CDH13: variants seen among roughly 807,000 people sequenced by gnomAD.
CDH13 encodes cadherin 13, also known as cadherin-13.
Under a neutral mutation model 63.8 loss-of-function variants are expected in CDH13, and 24 were observed. The observed-to-expected ratio is 0.38, with a 90% confidence interval of 0.27 to 0.53. The LOEUF (loss-of-function observed/expected upper bound fraction) is 0.53, where lower values mean the gene tolerates loss of function less well. CDH13 is among the 20% of genes least tolerant of loss of function. The pLI is 0.85. For missense variants in CDH13, 1,049 were observed against 903.1 expected, an observed-to-expected ratio of 1.16 and a Z score of -2.07; for synonymous variants, 503 against 355.3, an observed-to-expected ratio of 1.42 and a Z score of -4.67.
Position 82,828,664 on chromosome 16 carries a change from G to GTA in CDH13, c.46-29686_46-29685dup, listed in dbSNP as rs58371580. Among the ~76,000 whole-genome samples the GTA allele has an allele frequency of 5.2e-3, 695 of 133,692 alleles. 2 individuals carry two copies. In the East Asian group the frequency reaches 0.059, roughly 11 times the overall value. The allele number at this position is 133,692 out of a possible 152,430, so 87.7% of individuals were successfully genotyped here. On this transcript the variant is annotated intron_variant, in intron 1 of 13. Coordinates refer to ENST00000567109, the MANE Select transcript of CDH13 (RefSeq NM_001257.5). The stretch of plus-strand genomic sequence containing the variant: ...GATGTGTTTGTGTGTGTGTGTGTGT[G>GTA]TATATATATATATGTATACACAAAC...
intron 10 of CDH13, among the ~76,000 whole-genome samples, chr16:83,743,032 AC>A (rs1431893062): frequency 2.0e-5 from 3 of 152,056 alleles, no homozygotes; most frequent in East Asian, 1.9e-4. Context: ...ACTTGGTGAA[AC>A]CCCGCTCTAC....
At chr16:83,049,502 T>G (rs2030046566) in intron 3 of CDH13, among the ~76,000 whole-genome samples, 1 of 151,858 alleles carries the variant, frequency 6.6e-6, no homozygotes, top group Non-Finnish European at 1.5e-5. Flanking sequence ...ACCCAGCTAA[T>G]TTTTTGTATT....
chr16:83,272,714 A>G (rs2088862893), intron 5 of CDH13, among the ~76,000 whole-genome samples: 2 of 152,218 alleles, frequency 1.3e-5, no homozygotes, highest in African/African-American at 4.8e-5. Context: ...CTCCCAATTC[A>G]TGGGGATTGG....
intron 7 of CDH13, among the ~76,000 whole-genome samples, chr16:83,574,542 A>C (rs1324591140): frequency 1.3e-5 from 2 of 151,880 alleles, no homozygotes; most frequent in African/African-American, 4.9e-5. Flanking sequence ...CCAGGCTCAA[A>C]TCTTGGCCTC....
intron 3 of CDH13, among the ~76,000 whole-genome samples, chr16:83,057,945 G>A (rs2031117161): frequency 1.3e-5 from 2 of 151,924 alleles, no homozygotes; most frequent in African/African-American, 4.8e-5. Context: ...ATGGGGTCGG[G>A]GAAATGTCTT....
chr16:83,783,265 C>T lies in CDH13; in HGVS notation c.1927C>T (p.Leu643=), dbSNP rs780142911. 3 of 1,613,512 alleles carry T rather than the reference C, an allele frequency of 1.9e-6. No individual in the cohort carries two copies. Among genetic ancestry groups the T allele is most frequent in the East Asian group, 2.2e-5 (1 of 44,886 alleles). The part of the protein sequence containing the change: ...KISKINNTHA[L]VSLLQNLNKA... ...CCTTGCCTTTACAGATACACACGCC[C>T]TGGTAAGCCTTCTTCAAAATCTGAA... is the stretch of plus-strand genomic sequence containing the variant. The change falls in exon 13 of 14, where the codon CTG becomes TTG. Residue 643 remains leucine (L), a synonymous_variant. Transcript: ENST00000567109.
intron 1 of CDH13, among the ~76,000 whole-genome samples, chr16:82,724,216 T>A (rs1319405577): frequency 6.6e-6 from 1 of 152,208 alleles, no homozygotes; most frequent in Non-Finnish European, 1.5e-5. Context: ...TCTAATTAGT[T>A]AGAATTTCAT....
chr16:83,426,784 C>G (rs2071915007), intron 6 of CDH13, among the ~76,000 whole-genome samples: 1 of 151,942 alleles, frequency 6.6e-6, no homozygotes, highest in Non-Finnish European at 1.5e-5. Context: ...CAAACTTAAA[C>G]TTCTTATTAA....
chr16:83,434,399 A>G (rs572000952), intron 6 of CDH13, among the ~76,000 whole-genome samples: 2 of 152,242 alleles, frequency 1.3e-5, no homozygotes, highest in Admixed American at 1.3e-4. Context: ...CAAGGGTCAT[A>G]TTCCCTGTTG....
chr16:83,317,793 C>T, intron 5 of CDH13, among the ~76,000 whole-genome samples: 1 of 150,706 alleles, frequency 6.6e-6, no homozygotes, highest in African/African-American at 2.5e-5. Flanking sequence ...AAGCGAGACT[C>T]TGTCTCAAGA....
chr16:83,663,941 C>T (rs9932523), intron 8 of CDH13, among the ~76,000 whole-genome samples: 2,798 of 151,294 alleles, frequency 0.018, 87 homozygotes, highest in African/African-American at 0.065. Flanking sequence ...AGGAAGATCA[C>T]TTGAGCCTAA....
At chr16:83,340,663 A>C (rs1238961779) in intron 5 of CDH13, among the ~76,000 whole-genome samples, 1 of 152,170 alleles carries the variant, frequency 6.6e-6, no homozygotes, top group East Asian at 1.9e-4. Flanking sequence ...CTGCATTTCT[A>C]ACCAGCTCCT....
At chr16:83,754,490 T>C (rs551829694) in intron 11 of CDH13, among the ~76,000 whole-genome samples, 2 of 152,262 alleles carry the variant, frequency 1.3e-5, no homozygotes, top group African/African-American at 2.4e-5. Flanking sequence ...CTGATACAGT[T>C]TGGCTCTGTG....
chr16:83,499,695 C>T (rs866372572), intron 7 of CDH13, among the ~76,000 whole-genome samples: 2 of 152,220 alleles, frequency 1.3e-5, no homozygotes, highest in Admixed American at 6.5e-5. Context: ...ATTAATACAG[C>T]ACATGCTTAG....
chr16:83,474,994 A>C (rs1329117335), intron 6 of CDH13, among the ~76,000 whole-genome samples: 2 of 152,252 alleles, frequency 1.3e-5, no homozygotes, highest in African/African-American at 4.8e-5. Context: ...AGGCCGAGAC[A>C]CTGAGTGTCC....
chr16:83,320,347 G>A (rs1233453490), intron 5 of CDH13, among the ~76,000 whole-genome samples: 1 of 152,036 alleles, frequency 6.6e-6, no homozygotes, highest in Non-Finnish European at 1.5e-5. Context: ...TGCCCAGCAT[G>A]GATTGTCCTT....
chr16:83,167,890 G>A (rs1016226853), intron 4 of CDH13, among the ~76,000 whole-genome samples: 5 of 151,942 alleles, frequency 3.3e-5, no homozygotes, highest in Non-Finnish European at 5.9e-5. Context: ...AAAATCACAA[G>A]CTTTGCAGCA....
chr16:83,435,012 C>A (rs980812413), intron 6 of CDH13, among the ~76,000 whole-genome samples: 1 of 97,094 alleles, frequency 1.0e-5, no homozygotes, highest in Middle Eastern at 6.5e-3. Context: ...TATATATACA[C>A]ACACACATAT....
chr16:83,298,236 G>A (rs1250180903), intron 5 of CDH13, among the ~76,000 whole-genome samples: 2 of 151,730 alleles, frequency 1.3e-5, no homozygotes, highest in African/African-American at 2.4e-5. Flanking sequence ...GAGCAAGGCC[G>A]TGTCAACACA....
Sources: gnomAD v4.1 joint callset for allele counts (sites outside exome capture counted in the v4.1 genomes callset) on GRCh38, gnomAD v4.1.1 for gene constraint, MANE v1.5 for transcripts, NCBI Gene and HGNC (gene_info 2026-07-23, HGNC 2026-07-21) for gene names.